SOS2: variants seen among roughly 807,000 people sequenced by gnomAD.
SOS2 encodes son of sevenless homolog 2.
A neutral mutation model predicts 148.2 loss-of-function variants in SOS2; 65 were observed. That is an observed-to-expected ratio of 0.44 (90% CI 0.36 to 0.54). The LOEUF is 0.54. Ranked by LOEUF, SOS2 falls within the 20% of genes least tolerant of loss-of-function variation. The pLI, the probability that SOS2 is intolerant of heterozygous loss-of-function variation, is 0.00. For missense variants in SOS2, 1,341 were observed against 1,590.2 expected (o/e 0.84, Z 2.67); for synonymous variants, 539 against 537.1 (o/e 1.00, Z -0.05).
At chr14:50,167,356 C>T (rs1415382678) in intron 8 of SOS2, among the ~76,000 whole-genome samples, 1 of 149,364 alleles carries the variant, frequency 6.7e-6, no homozygotes. Context: ...TGACAAAACC[C>T]CTTCTCTACA....
chr14:50,186,403 C>T (rs1885913147), intron 5 of SOS2, among the ~76,000 whole-genome samples: 1 of 152,082 alleles, frequency 6.6e-6, no homozygotes, highest in South Asian at 2.1e-4. Context: ...TTTTATTCTT[C>T]ATACCACTAG....
At chr14:50,183,207 G>A (rs2139712554) in intron 5 of SOS2, among the ~76,000 whole-genome samples, 1 of 152,198 alleles carries the variant, frequency 6.6e-6, no homozygotes, top group Admixed American at 6.5e-5. Context: ...TTACACCCAT[G>A]ACCCTCAGAG....
chr14:50,198,352 T>TA (rs11296281), intron 4 of SOS2, among the ~76,000 whole-genome samples: 1,553 of 146,588 alleles, frequency 0.011, 29 homozygotes, highest in African/African-American at 0.034. Context: ...ATTTTCAAAG[T>TA]AAAAAAAAAA....
intron 8 of SOS2, among the ~76,000 whole-genome samples, chr14:50,173,228 T>C (rs1293004446): frequency 2.0e-5 from 3 of 152,154 alleles, no homozygotes; most frequent in Non-Finnish European, 4.4e-5. Flanking sequence ...TTGGTTTAGA[T>C]AGACAGTTAC....
chr14:50,117,652 C>T lies in SOS2; in HGVS notation c.*692G>A, dbSNP rs1297150595. ...CAATAGGCAATTCATTAGCTAAAGA[C>T]GTCATAGTCTGCAAAAACAAAAGGC... On this transcript the variant is annotated 3_prime_UTR_variant, in exon 23 of 23. Transcript: ENST00000216373. 1 of 152,174 alleles carries T rather than the reference C, an allele frequency of 6.6e-6. No homozygotes were observed. Among genetic ancestry groups the T allele is most frequent in the Non-Finnish European group, 1.5e-5 (1 of 68,030 alleles). 9.4% of individuals were successfully genotyped at this position (152,174 alleles called of 1,614,324 possible). A position where few individuals can be genotyped will look rare whatever the true frequency, so the allele number is the denominator to read the frequency against.
Position 50,130,689 on chromosome 14 carries a change from C to T in SOS2, c.3149G>A (p.Gly1050Asp). The change falls in exon 20 of 23, where the codon GGT (glycine) becomes GAT (aspartate). Residue 1050 changes from glycine (G) to aspartate (D), a missense_variant. This residue lies in a region of SOS2 where 354 missense variants were observed against 347.7 expected (regional missense o/e 1.02). Transcript: ENST00000216373. ...TGGTGTTGGGTGACCTCGTAAAGTACCTGAGGTAGAGCCATGTCGGCCTGT... is the reference window on the plus strand; with the variant it reads ...TGGTGTTGGGTGACCTCGTAAAGTATCTGAGGTAGAGCCATGTCGGCCTGT... ...PNTGRHGSTS[G>D]TLRGHPTPLE... The T allele has an allele frequency of 6.2e-7, 1 of 1,613,740 alleles. No homozygotes were observed. Among genetic ancestry groups the T allele is most frequent in the Non-Finnish European group, 8.5e-7 (1 of 1,179,662 alleles).
At chr14:50,124,683 T>C (rs2139489672) in intron 21 of SOS2, among the ~76,000 whole-genome samples, 1 of 152,318 alleles carries the variant, frequency 6.6e-6, no homozygotes, top group South Asian at 2.1e-4. Flanking sequence ...CTCACTATTG[T>C]GTAAAATTCC....
At chr14:50,201,904 G>A (rs1025276850) in intron 2 of SOS2, among the ~76,000 whole-genome samples, 3 of 152,118 alleles carry the variant, frequency 2.0e-5, no homozygotes, top group Non-Finnish European at 4.4e-5. Flanking sequence ...ATGAAAATAC[G>A]TACCTTGACA....
intron 1 of SOS2, among the ~76,000 whole-genome samples, chr14:50,224,051 G>A (rs572688488): frequency 3.2e-4 from 49 of 151,910 alleles, no homozygotes; most frequent in African/African-American, 1.1e-3. Context: ...TTGGGGGGCC[G>A]AGGCGGGCAG....
At chr14:50,201,967 G>T (rs1566477887) in intron 2 of SOS2, among the ~76,000 whole-genome samples, 1 of 152,090 alleles carries the variant, frequency 6.6e-6, no homozygotes. Context: ...TGGAGACAGG[G>T]TCTCACTCTT....
intron 4 of SOS2, among the ~76,000 whole-genome samples, chr14:50,192,320 C>T (rs1886167874): frequency 6.6e-6 from 1 of 151,960 alleles, no homozygotes; most frequent in South Asian, 2.1e-4. Context: ...CTTTAGAGGC[C>T]AAGGTGGATG....
At chr14:50,184,729 G>C (rs554671793) in intron 5 of SOS2, among the ~76,000 whole-genome samples, 2 of 151,994 alleles carry the variant, frequency 1.3e-5, no homozygotes, top group Non-Finnish European at 2.9e-5. Context: ...CGGGTGGGGT[G>C]GTATGTGCCT....
intron 9 of SOS2, among the ~76,000 whole-genome samples, chr14:50,160,755 T>C (rs1040423329): frequency 8.5e-5 from 13 of 152,116 alleles, no homozygotes; most frequent in African/African-American, 2.9e-4. Flanking sequence ...ATCTCAACAC[T>C]CTGGGAGGCC....
chr14:50,182,413 C>T, intron 6 of SOS2, 50 bp downstream of exon 6: 2 of 1,547,030 alleles, frequency 1.3e-6, no homozygotes, highest in Non-Finnish European at 1.8e-6. Flanking sequence ...AAGTTTCTTA[C>T]TACAGCATTT....
intron 1 of SOS2, among the ~76,000 whole-genome samples, chr14:50,222,817 G>T (rs527294403): frequency 1.6e-4 from 24 of 152,276 alleles, no homozygotes; most frequent in African/African-American, 5.3e-4. Flanking sequence ...GGACTTTTTT[G>T]ACTTTTATTC....
chr14:50,138,805 ATT>A, intron 17 of SOS2, 21 bp from the exon 18 acceptor site: 2 of 769,078 alleles, frequency 2.6e-6, no homozygotes, highest in South Asian at 2.2e-5. Flanking sequence ...AAAAAAAAGA[ATT>A]TAAAGAAAAG....
intron 19 of SOS2, among the ~76,000 whole-genome samples, chr14:50,131,546 GCTCAAACATATCTAGTTTGAGATA>G (rs549000117): frequency 0.018 from 2,724 of 152,082 alleles, 29 homozygotes; most frequent in South Asian, 0.027. Flanking sequence ...AGTTTGAGAT[GCTCAAACATATCTAGTTTGAGATA>G]CTCAAACATA....
intron 4 of SOS2, among the ~76,000 whole-genome samples, chr14:50,192,039 C>G (rs988170794): frequency 6.7e-6 from 1 of 149,488 alleles, no homozygotes; most frequent in African/African-American, 2.5e-5. Context: ...GTGGTCCCAG[C>G]TACAAAGGAA....
In SOS2 at chr14:50,158,656, C is replaced by T. The variant is rs1033696008; in HGVS notation, c.1853-10G>A. 3 of 1,569,798 alleles carry T rather than the reference C, an allele frequency of 1.9e-6. No individual in the cohort carries two copies. In the African/African-American group the frequency reaches 4.1e-5, roughly 21 times the overall value. ...CGAACAAAATTGGGATCTGAAAAGG[C>T]AGAGCATAAAATAGGTTTCATGTTT... On this transcript the variant is annotated splice_polypyrimidine_tract_variant and intron_variant, in intron 10 of 22. Transcript: ENST00000216373.
Sources: gnomAD v4.1 joint callset for allele counts (sites outside exome capture counted in the v4.1 genomes callset) on GRCh38, gnomAD v4.1.1 for gene constraint, gnomAD v4.1.1 regional missense constraint, MANE v1.5 for transcripts, NCBI Gene and HGNC (gene_info 2026-07-23, HGNC 2026-07-21) for gene names.